Variants in SP100 observed in about 807,000 individuals in gnomAD.
The protein encoded by SP100 is SP100 nuclear body protein.
SP100 carries 84 observed loss-of-function variants against 130.0 expected under a neutral mutation model. The observed-to-expected ratio is 0.65, with a 90% CI of 0.54 to 0.77. SP100 has a LOEUF of 0.77. Among genes scored for constraint, SP100 ranks in the 30% least tolerant of loss-of-function variants. The pLI is 0.00. For missense variants in SP100, 978 were observed against 1,052.2 expected (o/e 0.93, Z 0.97); for synonymous variants, 331 against 351.7 (o/e 0.94, Z 0.66).
intron 24 of SP100, chr2:230,515,308 A>G (rs143113037): frequency 6.2e-7 from 1 of 1,613,362 alleles, no homozygotes; most frequent in Non-Finnish European, 8.5e-7. Flanking sequence ...CAATGCACCC[A>G]AGAGGCCTCC....
chr2:230,520,013 G>A (rs1344820108), intron 24 of SP100, among the ~76,000 whole-genome samples: 6 of 152,116 alleles, frequency 3.9e-5, no homozygotes, highest in Non-Finnish European at 8.8e-5. Flanking sequence ...AATGAGACAA[G>A]TAATGTAGTG....
At chr2:230,448,196 G>T (rs879702186) in intron 5 of SP100, among the ~76,000 whole-genome samples, 7 of 152,134 alleles carry the variant, frequency 4.6e-5, no homozygotes, top group Non-Finnish European at 8.8e-5. Context: ...GAGAAAGGCG[G>T]TCATGTAGAG....
chr2:230,416,353 A>C (rs2062598935), intron 1 of SP100, 25 bp downstream of exon 1: 2 of 1,606,162 alleles, frequency 1.2e-6, no homozygotes, highest in Non-Finnish European at 1.7e-6. Flanking sequence ...CCCTTCCTTT[A>C]ACCTTTATCT....
chr2:230,438,639 G>GTATA (rs142300655), intron 2 of SP100, among the ~76,000 whole-genome samples: 3,551 of 135,010 alleles, frequency 0.026, 109 homozygotes, highest in African/African-American at 0.076. Context: ...ACTCCATGGT[G>GTATA]TATATATATA....
At chr2:230,459,130 T>A (rs983174464) in intron 8 of SP100, among the ~76,000 whole-genome samples, 21 of 151,300 alleles carry the variant, frequency 1.4e-4, no homozygotes, top group Admixed American at 7.9e-4. Flanking sequence ...AAAAAGACTA[T>A]GAATAGAAAA....
At chr2:230,494,559 C>A in intron 18 of SP100, 99 bp downstream of exon 18, 2 of 850,222 alleles carry the variant, frequency 2.4e-6, no homozygotes, top group Non-Finnish European at 4.0e-6. Flanking sequence ...CTCCTATGGG[C>A]CACGGTAGCT....
At chr2:230,466,277 G>A (rs751587392) in intron 11 of SP100, 24 bp from the exon 12 acceptor site, 8 of 1,442,786 alleles carry the variant, frequency 5.5e-6, no homozygotes, top group African/African-American at 4.3e-5. Flanking sequence ...TACAAATAAC[G>A]GGTTTCTCCC....
chr2:230,430,059 G>A (rs75479781), intron 2 of SP100, among the ~76,000 whole-genome samples: 4,122 of 152,226 alleles, frequency 0.027, 82 homozygotes, highest in Middle Eastern at 0.048. Flanking sequence ...ATTGGTGTCT[G>A]CACATTTGAG....
chr2:230,515,937 T>C, intron 24 of SP100: 6 of 1,069,744 alleles, frequency 5.6e-6, no homozygotes, highest in Non-Finnish European at 6.8e-6. Flanking sequence ...ATGAGGATGG[T>C]AGTTTTTTCA....
In SP100 at chr2:230,469,048, A is replaced by G. The variant is rs12724; in HGVS notation, c.1297A>G (p.Met433Val). 0.29 allele frequency: 452,877 copies of G among 1,573,472 alleles called. 70,823 individuals carry two copies. The highest frequency in any genetic ancestry group is 0.35 in the Middle Eastern group (2,065 of 5,840). ...GGTTTTCCTTTACTTTCTAGCTCCT[A>G]TGACTTCTAGAAGTACATCTACTTG... ...LRSKHGEKAP[M>V]TSRSTSTWRI... is the part of the protein sequence containing the mutation. The change falls in exon 14 of 29, where the codon ATG becomes GTG. Residue 433 changes from methionine to valine, a missense_variant. By Grantham distance (21) the Met-to-Val change is conservative. Transcript: ENST00000340126.
intron 24 of SP100, chr2:230,538,466 C>T (rs911776216): frequency 1.3e-5 from 2 of 152,162 alleles, no homozygotes; most frequent in Admixed American, 1.3e-4. Context: ...TCAGGCACCC[C>T]CCTTGGAGAT....
chr2:230,438,648 T>TATATAC (rs1246055755), intron 2 of SP100, among the ~76,000 whole-genome samples: 14,675 of 127,254 alleles, frequency 0.12, 967 homozygotes, highest in Non-Finnish European at 0.15. Context: ...TGTATATATA[T>TATATAC]ACACACACAC....
At chr2:230,541,145 T>C in intron 26 of SP100, 149 bp downstream of exon 26, 1 of 1,241,474 alleles carries the variant, frequency 8.1e-7, no homozygotes, top group South Asian at 1.5e-5. Context: ...CTACAATTCA[T>C]ATTCCAAAGA....
Position 230,417,595 on chromosome 2 carries a change from CTGAA to C in SP100, c.44_47del (p.Glu15ValfsTer5), listed in dbSNP as rs2062642702. ...CCTGCCAAATTGTCTTTCTAGGAGGCTGAATGAATGTATTTCACCAGTAGCAAAT... is the reference window on the plus strand; with the variant it reads ...CCTGCCAAATTGTCTTTCTAGGAGGCTGAATGTATTTCACCAGTAGCAAAT... On this transcript the variant is annotated frameshift_variant, in exon 2 of 29. Coordinates refer to ENST00000340126, the MANE Select transcript of SP100 (RefSeq NM_001080391.2). LOFTEE classifies it high-confidence loss of function. 1 of 1,611,562 alleles carries C rather than the reference CTGAA, an allele frequency of 6.2e-7. No homozygotes were observed. The highest frequency in any genetic ancestry group is 8.5e-7 in the Non-Finnish European group (1 of 1,179,296).
intron 2 of SP100, among the ~76,000 whole-genome samples, chr2:230,442,672 G>T (rs1377807609): frequency 6.6e-6 from 1 of 152,028 alleles, no homozygotes; most frequent in Non-Finnish European, 1.5e-5. Context: ...TTCCATATAT[G>T]GTTAGGTGAA....
At chr2:230,515,053 G>A in intron 24 of SP100, 1 of 1,607,792 alleles carries the variant, frequency 6.2e-7, no homozygotes. Context: ...GAAGCTGAGA[G>A]GTGAAATGTT....
At chr2:230,457,666 T>C (rs1158108935) in intron 8 of SP100, among the ~76,000 whole-genome samples, 2 of 152,210 alleles carry the variant, frequency 1.3e-5, no homozygotes, top group South Asian at 2.1e-4. Flanking sequence ...TCCTGCCCTT[T>C]TCAATGTGCT....
chr2:230,444,445 G>A (rs2063600478), intron 4 of SP100, 99 bp downstream of exon 4: 3 of 961,114 alleles, frequency 3.1e-6, no homozygotes, highest in Non-Finnish European at 4.8e-6. Context: ...GTGTTGGGCA[G>A]TGGGCATAGA....
intron 26 of SP100, 113 bp from the exon 27 acceptor site, chr2:230,541,188 T>C (rs1425101114): frequency 1.6e-6 from 2 of 1,226,462 alleles, no homozygotes; most frequent in African/African-American, 3.0e-5. Context: ...CCCCATGCCA[T>C]GTTTGTTTCA....
Sources: gnomAD v4.1 joint callset for allele counts (sites outside exome capture counted in the v4.1 genomes callset) on GRCh38, gnomAD v4.1.1 for gene constraint, MANE v1.5 for transcripts, NCBI Gene and HGNC (gene_info 2026-07-23, HGNC 2026-07-21) for gene names.